The following PTPRM variants were observed in gnomAD, a reference collection of about 807,000 sequenced individuals.
PTPRM encodes protein tyrosine phosphatase receptor type M.
PTPRM carries 47 observed loss-of-function variants against 186.7 expected under a neutral mutation model. That is an observed-to-expected ratio of 0.25 (90% CI 0.20 to 0.32). The LOEUF is 0.32. PTPRM is among the 10% of genes least tolerant of loss of function. PTPRM has a pLI of 1.00. For missense variants in PTPRM, 1,494 were observed against 1,865.0 expected (o/e 0.80, Z 3.66); for synonymous variants, 668 against 674.9 (o/e 0.99, Z 0.16).
chr18:8,001,580 T>A (rs2083876658), intron 7 of PTPRM, among the ~76,000 whole-genome samples: 1 of 152,148 alleles, frequency 6.6e-6, no homozygotes, highest in Non-Finnish European at 1.5e-5. Flanking sequence ...CACACTGGCT[T>A]TTGTGACTTT....
chr18:7,844,485 A>G (rs907137704), intron 2 of PTPRM, among the ~76,000 whole-genome samples: 20 of 152,184 alleles, frequency 1.3e-4, no homozygotes, highest in African/African-American at 3.9e-4. Context: ...CACCCCCTCA[A>G]CATGCAATGG....
rs557246310 is a variant in PTPRM, at chr18:8,006,217, A to G, written c.1132+50803A>G. Among the ~76,000 whole-genome samples, 9 of 152,340 alleles carry G rather than the reference A, an allele frequency of 5.9e-5. 1 individual carries two copies. The South Asian group carries it at 1.2e-3, about 21-fold the overall frequency. ...GCTACTGCTCTGTGATTACTAGCTC[A>G]TATCTTCTGTCCCAAGTAAACATTT... On this transcript the variant is annotated intron_variant, in intron 7 of 32. Transcript: ENST00000580170.
intron 7 of PTPRM, among the ~76,000 whole-genome samples, chr18:7,991,984 A>G (rs9965536): frequency 0.034 from 5,101 of 152,154 alleles, 281 homozygotes; most frequent in African/African-American, 0.12. Flanking sequence ...TAAACCATCG[A>G]CCAGCCTCCA....
At chr18:8,306,683 C>G (rs753083492) in intron 20 of PTPRM, among the ~76,000 whole-genome samples, 1 of 152,216 alleles carries the variant, frequency 6.6e-6, no homozygotes, top group African/African-American at 2.4e-5. Flanking sequence ...TTTTTCCTCC[C>G]TTCAACCCCA....
intron 21 of PTPRM, among the ~76,000 whole-genome samples, chr18:8,316,610 G>A (rs1568733075): frequency 6.6e-6 from 1 of 152,194 alleles, no homozygotes; most frequent in Non-Finnish European, 1.5e-5. Context: ...CAGAAAAACT[G>A]TGAACCGTTC....
intron 3 of PTPRM, among the ~76,000 whole-genome samples, chr18:7,894,619 A>AT (rs963115848): frequency 5.1e-4 from 77 of 151,270 alleles, no homozygotes; most frequent in African/African-American, 1.5e-3. Context: ...ATTTTTTAAT[A>AT]TTTTTTTTCC....
chr18:8,131,464 T>C (rs2092504625), intron 13 of PTPRM, among the ~76,000 whole-genome samples: 1 of 152,214 alleles, frequency 6.6e-6, no homozygotes, highest in Non-Finnish European at 1.5e-5. Context: ...CAAGCAGTAA[T>C]AGCCCAAAAC....
intron 2 of PTPRM, among the ~76,000 whole-genome samples, chr18:7,788,215 G>A (rs1861185828): frequency 6.6e-6 from 1 of 152,130 alleles, no homozygotes; most frequent in Non-Finnish European, 1.5e-5. Flanking sequence ...TTTGAATAAA[G>A]TCAATATAAA....
intron 20 of PTPRM, among the ~76,000 whole-genome samples, chr18:8,308,655 CAT>C (rs1452393594): frequency 5.3e-5 from 8 of 152,254 alleles, no homozygotes; most frequent in Admixed American, 1.3e-4. Flanking sequence ...GGATTAGCCT[CAT>C]GTGGCTAACA....
intron 7 of PTPRM, among the ~76,000 whole-genome samples, chr18:7,963,470 A>T (rs907541509): frequency 4.6e-5 from 7 of 152,222 alleles, no homozygotes; most frequent in Non-Finnish European, 1.0e-4. Flanking sequence ...AGTGACTCTT[A>T]AGGTGTTGTG....
At chr18:8,159,361 T>G (rs2093184567) in intron 14 of PTPRM, among the ~76,000 whole-genome samples, 2 of 152,212 alleles carry the variant, frequency 1.3e-5, no homozygotes, top group South Asian at 2.1e-4. Context: ...TGCCGTTTGC[T>G]TATGGCACTG....
intron 19 of PTPRM, among the ~76,000 whole-genome samples, chr18:8,281,934 G>A (rs1183867803): frequency 6.6e-6 from 1 of 152,080 alleles, no homozygotes; most frequent in Non-Finnish European, 1.5e-5. Context: ...CTCCATTAAA[G>A]AAGAAAATCA....
intron 13 of PTPRM, among the ~76,000 whole-genome samples, chr18:8,136,874 A>G (rs894297087): frequency 1.5e-4 from 23 of 152,212 alleles, no homozygotes; most frequent in African/African-American, 4.8e-4. Context: ...TGATCTTTAA[A>G]ACAAGGATGT....
chr18:8,125,986 TA>T (rs2092329111), intron 13 of PTPRM, among the ~76,000 whole-genome samples: 1 of 5,418 alleles, frequency 1.8e-4, no homozygotes, highest in African/African-American at 5.1e-4. Context: ...CATATATATA[TA>T]TATATATATA....
At chr18:8,157,411 G>A (rs565476930) in intron 14 of PTPRM, among the ~76,000 whole-genome samples, 67 of 152,330 alleles carry the variant, frequency 4.4e-4, no homozygotes, top group African/African-American at 1.5e-3. Context: ...GAACGGAGCT[G>A]TCTCCCCTTG....
chr18:7,806,601 C>A (rs2044248218), intron 2 of PTPRM, among the ~76,000 whole-genome samples: 1 of 152,206 alleles, frequency 6.6e-6, no homozygotes, highest in South Asian at 2.1e-4. Flanking sequence ...GGAGCCACAA[C>A]CACATTCTGT....
chr18:7,836,178 T>C (rs8089088), intron 2 of PTPRM, among the ~76,000 whole-genome samples: 100,072 of 151,914 alleles, frequency 0.66, 33,480 homozygotes, highest in East Asian at 0.96. Context: ...TTATTTCTTT[T>C]CTTCCTGTCT....
intron 22 of PTPRM, among the ~76,000 whole-genome samples, chr18:8,341,683 C>CT (rs557952410): frequency 4.5e-4 from 1 of 2,234 alleles, no homozygotes; most frequent in Non-Finnish European, 3.6e-3. Context: ...CCTAGTGAAG[C>CT]CCCCCCCCCT....
chr18:8,152,331 T>C (rs568056776), intron 14 of PTPRM, among the ~76,000 whole-genome samples: 14 of 152,178 alleles, frequency 9.2e-5, no homozygotes, highest in Non-Finnish European at 1.8e-4. Context: ...GGTAAAACCG[T>C]TGGCAACAGC....
Sources: allele counts gnomAD v4.1 joint callset (sites outside exome capture counted in the v4.1 genomes callset), GRCh38; gene constraint gnomAD v4.1.1; transcripts MANE v1.5; gene names NCBI Gene and HGNC (gene_info 2026-07-23, HGNC 2026-07-21).